The following RBMS2 variants were observed in gnomAD, a reference collection of about 807,000 sequenced individuals.
The protein encoded by RBMS2 is RNA binding motif single stranded interacting protein 2.
In RBMS2, 38 loss-of-function variants were observed where a neutral mutation model predicts 58.4. That is an observed-to-expected ratio of 0.65 (90% CI 0.50 to 0.85). The LOEUF is 0.85. RBMS2 is among the 40% of genes least tolerant of loss of function. The pLI is 0.00. For missense variants in RBMS2, 367 were observed against 503.7 expected (o/e 0.73, Z 2.60); for synonymous variants, 151 against 180.7 (o/e 0.84, Z 1.32).
At chr12:56,526,277 A>C (rs1335630391) in intron 1 of RBMS2, among the ~76,000 whole-genome samples, 1 of 152,106 alleles carries the variant, frequency 6.6e-6, no homozygotes, top group African/African-American at 2.4e-5. Flanking sequence ...ACTGCACTGC[A>C]GCCTGGGCAA....
chr12:56,539,750 A>G (rs1875733013), intron 1 of RBMS2: 1 of 444,242 alleles, frequency 2.3e-6, no homozygotes, highest in South Asian at 1.6e-5. Context: ...GCTCACTGCA[A>G]CCTCTGCCTC....
chr12:56,588,317 G>A lies in RBMS2; in HGVS notation c.1086G>A (p.Met362Ile). The change falls in exon 12 of 14, where the codon ATG becomes ATA. Residue 362 changes from methionine to isoleucine, a missense_variant. Physicochemically the swap from Met to Ile is conservative, Grantham distance 10. This residue lies in a region of RBMS2 where 220 missense variants were observed against 261.1 expected (regional missense o/e 0.84). Transcript: ENST00000262031. ...TGTYMPTAAA[M>I]QGAYISQYTP... ...AGTATATGCCGACGGCTGCAGCTAT[G>A]CAAGGAGCTTACATCTCCCAGTACA... 1.9e-6 allele frequency: 3 copies of A among 1,613,956 alleles called. No individual in the cohort carries two copies. The highest frequency in any genetic ancestry group is 2.5e-6 in the Non-Finnish European group (3 of 1,179,864).
In RBMS2 at chr12:56,525,169, C is replaced by T. The variant is rs550948810; in HGVS notation, c.66+3080C>T. 3.3e-5 allele frequency among the ~76,000 whole-genome samples: 5 copies of T among 152,112 alleles called. No individual in the cohort carries two copies. In the South Asian group the frequency reaches 8.3e-4, roughly 25 times the overall value. Reference sequence around the variant, plus strand: ...TCTGTTTTGGAAAGGGTTGTAGATGCATTTGCTTATGTAATTTGTGTATTT... The same window carrying T: ...TCTGTTTTGGAAAGGGTTGTAGATGTATTTGCTTATGTAATTTGTGTATTT... On this transcript the variant is annotated intron_variant, in intron 1 of 13. Transcript: ENST00000262031.
intron 4 of RBMS2, 118 bp downstream of exon 4, chr12:56,570,108 G>A (rs182045870): frequency 1.2e-5 from 11 of 890,584 alleles, no homozygotes; most frequent in East Asian, 1.1e-4. Flanking sequence ...AGGGCTATCC[G>A]TGGTGCTTTC....
chr12:56,541,279 A>G (rs1018169351), intron 1 of RBMS2, among the ~76,000 whole-genome samples: 16 of 152,136 alleles, frequency 1.1e-4, no homozygotes, highest in Admixed American at 7.9e-4. Flanking sequence ...TAAGTTAGTT[A>G]TATAAAAAGT....
At chr12:56,561,020 G>T (rs889621080) in intron 1 of RBMS2, among the ~76,000 whole-genome samples, 2 of 152,114 alleles carry the variant, frequency 1.3e-5, no homozygotes, top group Non-Finnish European at 2.9e-5. Context: ...TGTGGTATTT[G>T]GTTTTCTGTT....
chr12:56,521,845 G>A lies in RBMS2; in HGVS notation c.-179G>A, dbSNP rs548479576. The stretch of plus-strand genomic sequence containing the variant: ...AGCCCGAGCTCATTCTCTGCCCGCA[G>A]CCCCCCTTCATCTCTCTCCTCCTGC... On this transcript the variant is annotated 5_prime_UTR_variant, in exon 1 of 14. Transcript: ENST00000262031. The A allele has an allele frequency of 2.4e-4, 131 of 535,854 alleles. No homozygotes were observed. Among genetic ancestry groups the A allele is most frequent in the African/African-American group, 2.3e-3 (116 of 49,544 alleles). 33.2% of individuals were successfully genotyped at this position (535,854 alleles called of 1,614,324 possible). A position where few individuals can be genotyped will look rare whatever the true frequency, so the allele number is the denominator to read the frequency against.
intron 1 of RBMS2, among the ~76,000 whole-genome samples, chr12:56,547,528 C>T (rs1007697889): frequency 2.0e-5 from 3 of 152,046 alleles, no homozygotes; most frequent in Non-Finnish European, 4.4e-5. Context: ...TTAATTATTG[C>T]TCTGCTTATC....
At chr12:56,566,102 A>G (rs1881293505) in intron 2 of RBMS2, among the ~76,000 whole-genome samples, 1 of 151,358 alleles carries the variant, frequency 6.6e-6, no homozygotes, top group Non-Finnish European at 1.5e-5. Flanking sequence ...ATCCATCCTC[A>G]CCCTCCTTTT....
intron 1 of RBMS2, among the ~76,000 whole-genome samples, chr12:56,528,808 T>C (rs1873163773): frequency 6.6e-6 from 1 of 152,054 alleles, no homozygotes; most frequent in African/African-American, 2.4e-5. Flanking sequence ...ACACCTGTAG[T>C]CCTAGCTATT....
intron 5 of RBMS2, among the ~76,000 whole-genome samples, chr12:56,573,751 CTTTTT>C (rs35292811): frequency 1.4e-5 from 2 of 139,888 alleles, no homozygotes; most frequent in Admixed American, 1.4e-4. Flanking sequence ...ATGGTCCACA[CTTTTT>C]TTTTTTTTTT....
chr12:56,567,352 T>C (rs1322936234), intron 2 of RBMS2, among the ~76,000 whole-genome samples: 2 of 142,258 alleles, frequency 1.4e-5, no homozygotes, highest in African/African-American at 2.6e-5. Context: ...ACCATTGCAC[T>C]CCAGCCTGGG....
intron 4 of RBMS2, 187 bp downstream of exon 4, chr12:56,570,177 G>C (rs1371453497): frequency 1.2e-5 from 7 of 573,120 alleles, no homozygotes; most frequent in African/African-American, 3.8e-5. Context: ...GTCTATGGCA[G>C]GTAGCTCTAT....
intron 13 of RBMS2, 39 bp from the exon 14 acceptor site, chr12:56,589,101 T>G: frequency 6.2e-7 from 1 of 1,601,266 alleles, no homozygotes; most frequent in Non-Finnish European, 8.5e-7. Flanking sequence ...CAGGTTCTCA[T>G]GTTTGTCTTG....
Position 56,532,371 on chromosome 12 carries a change from C to T in RBMS2, c.66+10282C>T, listed in dbSNP as rs529296473. Among the ~76,000 whole-genome samples, 18 of 151,874 alleles carry T rather than the reference C, an allele frequency of 1.2e-4. No individual in the cohort carries two copies. In the South Asian group the frequency reaches 2.1e-3, roughly 18 times the overall value. On this transcript the variant is annotated intron_variant, in intron 1 of 13. Transcript: ENST00000262031. ...CAGCCTGACCAACATGGTGAAACTCCGTCTCTACTAAAAATACAAAATTAG... is the reference window on the plus strand; with the variant it reads ...CAGCCTGACCAACATGGTGAAACTCTGTCTCTACTAAAAATACAAAATTAG...
At chr12:56,571,916 C>T (rs921698762) in intron 5 of RBMS2, 61 bp downstream of exon 5, 3 of 1,354,662 alleles carry the variant, frequency 2.2e-6, no homozygotes, top group Non-Finnish European at 2.9e-6. Flanking sequence ...TGGGGGTCAC[C>T]AGAAAACAAA....
Position 56,588,348 on chromosome 12 carries a change from G to C in RBMS2, c.1117G>C (p.Val373Leu), listed in dbSNP as rs368884447. Residue 373 changes from valine to leucine, a missense_variant, in exon 12 of 14, where the codon GTG becomes CTG. Val to Leu is a conservative substitution (Grantham distance 32). Around this residue, in one of 3 missense-constraint regions of RBMS2, gnomAD observed 220 missense variants for 261.1 expected, o/e 0.84. Transcript: ENST00000262031. Reference sequence around the variant, plus strand: ...AGCTTACATCTCCCAGTACACCCCTGTGCCTTCTTCCAGTGTTTCAGTCGA... The same window carrying C: ...AGCTTACATCTCCCAGTACACCCCTCTGCCTTCTTCCAGTGTTTCAGTCGA... The part of the protein sequence containing the change: ...QGAYISQYTP[V>L]PSSSVSVEES... The C allele has an allele frequency of 6.2e-7, 1 of 1,613,568 alleles. No homozygotes were observed. The highest frequency in any genetic ancestry group is 1.3e-5 in the African/African-American group (1 of 74,888).
chr12:56,574,622 G>C (rs1306307699), intron 5 of RBMS2, among the ~76,000 whole-genome samples: 1 of 152,138 alleles, frequency 6.6e-6, no homozygotes, highest in African/African-American at 2.4e-5. Flanking sequence ...GTGCCTGAGA[G>C]CACAGTTTAG....
intron 11 of RBMS2, 64 bp from the exon 12 acceptor site, chr12:56,588,230 C>T: frequency 2.3e-6 from 3 of 1,309,474 alleles, no homozygotes; most frequent in Non-Finnish European, 3.3e-6. Context: ...TTTTAAAGCC[C>T]CTCAGCTGCT....
Sources: allele counts gnomAD v4.1 joint callset (sites outside exome capture counted in the v4.1 genomes callset), GRCh38; gene constraint gnomAD v4.1.1; regional missense constraint gnomAD v4.1.1; transcripts MANE v1.5; gene names NCBI Gene and HGNC (gene_info 2026-07-23, HGNC 2026-07-21).